PEX7: variants seen among roughly 807,000 people sequenced by gnomAD.
PEX7 encodes the protein PTS2 receptor.
PEX7 carries 34 observed loss-of-function variants against 47.5 expected under a neutral mutation model. The ratio of observed to expected loss-of-function variants is 0.72; its 90% CI spans 0.54 to 0.95. PEX7 has a LOEUF of 0.95. PEX7 is among the 40% of genes least tolerant of loss of function. The pLI is 0.00. For synonymous variants in PEX7, 141 were observed against 148.8 expected (o/e 0.95, Z 0.38); for missense variants, 394 against 400.3 (o/e 0.98, Z 0.13).
chr6:136,829,361 C>G (rs1419179076), intron 3 of PEX7, among the ~76,000 whole-genome samples: 1 of 152,154 alleles, frequency 6.6e-6, no homozygotes, highest in Non-Finnish European at 1.5e-5. Flanking sequence ...CTACTGCTGT[C>G]TTTTCATTGT....
At chr6:136,885,393 T>C (rs992822655) in intron 8 of PEX7, among the ~76,000 whole-genome samples, 3 of 152,140 alleles carry the variant, frequency 2.0e-5, no homozygotes, top group Non-Finnish European at 2.9e-5. Flanking sequence ...TTTAGACATA[T>C]GGATTTGGGG....
In PEX7 at chr6:136,826,566, A is replaced by C. The variant is rs567210543; in HGVS notation, c.339+97A>C. On this transcript the variant is annotated intron_variant, in intron 3 of 9. Coordinates refer to ENST00000318471, the MANE Select transcript of PEX7 (RefSeq NM_000288.4). ...ACACATGGAGAAATATCTTCAGGGG[A>C]CAAGTTTAAACGTTAGCATTTCTTA... 3.6e-5 allele frequency: 50 copies of C among 1,375,848 alleles called. No individual in the cohort carries two copies. In the African/African-American group the frequency reaches 4.0e-4, roughly 11 times the overall value. The allele number at this position is 1,375,848 out of a possible 1,614,324, so 85.2% of individuals were successfully genotyped here.
At chr6:136,878,862 G>T (rs1219632503) in intron 8 of PEX7, among the ~76,000 whole-genome samples, 2 of 128,712 alleles carry the variant, frequency 1.6e-5, no homozygotes, top group Non-Finnish European at 3.4e-5. Context: ...CTTTTTTGTT[G>T]TGTTTTTTTC....
intron 3 of PEX7, among the ~76,000 whole-genome samples, chr6:136,832,972 A>G (rs781740325): frequency 1.1e-4 from 16 of 152,176 alleles, no homozygotes; most frequent in Non-Finnish European, 7.3e-5. Context: ...CTGAGCCCTC[A>G]CACTGTTCCA....
At chr6:136,836,744 G>A (rs1276544084) in intron 3 of PEX7, among the ~76,000 whole-genome samples, 1 of 151,958 alleles carries the variant, frequency 6.6e-6, no homozygotes, top group African/African-American at 2.4e-5. Context: ...CTTGAGGCCA[G>A]GAGTTCGAGA....
chr6:136,880,255 T>C (rs1775353729), intron 8 of PEX7, among the ~76,000 whole-genome samples: 1 of 152,220 alleles, frequency 6.6e-6, no homozygotes, highest in Admixed American at 6.5e-5. Context: ...ACAGGGTTGA[T>C]GGTTTGAGGT....
At chr6:136,840,202 A>G (rs544617995) in intron 3 of PEX7, among the ~76,000 whole-genome samples, 2 of 152,304 alleles carry the variant, frequency 1.3e-5, no homozygotes, top group African/African-American at 4.8e-5. Context: ...AGATGTAAAA[A>G]TGGTATATTG....
intron 8 of PEX7, among the ~76,000 whole-genome samples, chr6:136,890,063 A>G (rs1775529066): frequency 6.6e-6 from 1 of 152,202 alleles, no homozygotes; most frequent in Admixed American, 6.5e-5. Flanking sequence ...AGGATGAATA[A>G]TACACCCTTT....
At chr6:136,823,276 G>A (rs997227309) in intron 1 of PEX7, 1 of 985,466 alleles carries the variant, frequency 1.0e-6, no homozygotes, top group Non-Finnish European at 1.2e-6. Context: ...TCCTAAGGAC[G>A]ATGCTCCTGA....
intron 5 of PEX7, among the ~76,000 whole-genome samples, chr6:136,865,867 G>A (rs1466085378): frequency 6.6e-6 from 1 of 151,950 alleles, no homozygotes; most frequent in African/African-American, 2.4e-5. Context: ...GGTGGATCAC[G>A]AGGTCAGGCA....
chr6:136,858,731 A>T (rs1298135018), intron 5 of PEX7, among the ~76,000 whole-genome samples: 1 of 152,132 alleles, frequency 6.6e-6, no homozygotes, highest in Non-Finnish European at 1.5e-5. Context: ...AAAGGAATAT[A>T]CTCAACTCTT....
intron 8 of PEX7, among the ~76,000 whole-genome samples, chr6:136,874,993 G>C (rs1324017242): frequency 2.0e-5 from 3 of 152,008 alleles, no homozygotes; most frequent in African/African-American, 4.8e-5. Flanking sequence ...TACAAAATTA[G>C]CTGGGCGTGG....
chr6:136,894,992 C>T (rs1173533933), intron 8 of PEX7, among the ~76,000 whole-genome samples: 2 of 152,124 alleles, frequency 1.3e-5, no homozygotes, highest in African/African-American at 4.8e-5. Context: ...TGCATGAAGG[C>T]CCTTGGATAT....
chr6:136,836,293 G>A (rs191123212), intron 3 of PEX7, among the ~76,000 whole-genome samples: 1 of 151,748 alleles, frequency 6.6e-6, no homozygotes, highest in East Asian at 1.9e-4. Context: ...AATATATATA[G>A]TGTATATACA....
At chr6:136,890,160 AAC>A (rs1418550463) in intron 8 of PEX7, among the ~76,000 whole-genome samples, 2 of 152,248 alleles carry the variant, frequency 1.3e-5, no homozygotes, top group Non-Finnish European at 1.5e-5. Context: ...TAATGGAATG[AAC>A]CACGTGGAGA....
chr6:136,857,600 A>G (rs1774884307), intron 5 of PEX7, among the ~76,000 whole-genome samples: 2 of 152,216 alleles, frequency 1.3e-5, no homozygotes, highest in South Asian at 4.1e-4. Flanking sequence ...GTGGTCAGGA[A>G]CAAGGATTCT....
chr6:136,841,794 CA>C (rs1774504991), intron 3 of PEX7, among the ~76,000 whole-genome samples: 1 of 151,746 alleles, frequency 6.6e-6, no homozygotes, highest in Non-Finnish European at 1.5e-5. Flanking sequence ...CCATATTTTC[CA>C]GGCTGGTCTC....
At chr6:136,875,649 G>A (rs1775258228) in intron 8 of PEX7, among the ~76,000 whole-genome samples, 2 of 152,204 alleles carry the variant, frequency 1.3e-5, no homozygotes, top group Admixed American at 6.5e-5. Flanking sequence ...GTAAAGTTCA[G>A]TATATAATCA....
At chr6:136,876,273 G>C (rs982037819) in intron 8 of PEX7, among the ~76,000 whole-genome samples, 1 of 152,010 alleles carries the variant, frequency 6.6e-6, no homozygotes, top group African/African-American at 2.4e-5. Flanking sequence ...TCCTGACCTC[G>C]TGATCCACCC....
Sources: gnomAD v4.1 joint callset for allele counts (sites outside exome capture counted in the v4.1 genomes callset) on GRCh38, gnomAD v4.1.1 for gene constraint, MANE v1.5 for transcripts, NCBI Gene and HGNC (gene_info 2026-07-23, HGNC 2026-07-21) for gene names.